Variants in RIN2 observed in about 807,000 individuals in gnomAD.
RIN2 encodes the protein Ras and Rab interactor 2.
A neutral mutation model predicts 78.0 loss-of-function variants in RIN2; 36 were observed. The ratio of observed to expected loss-of-function variants is 0.46; its 90% CI spans 0.35 to 0.61. The LOEUF (loss-of-function observed/expected upper bound fraction) is 0.61, where lower values mean the gene tolerates loss of function less well. RIN2 is among the 20% of genes least tolerant of loss of function. The probability of loss-of-function intolerance (pLI) is 0.00; values close to 1 mark genes in which losing one functional copy is unlikely to be tolerated. For missense variants in RIN2, 1,087 were observed against 1,159.7 expected, an observed-to-expected ratio of 0.94 and a Z score of 0.91; for synonymous variants, 466 against 466.8, an observed-to-expected ratio of 1.00 and a Z score of 0.02.
chr20:19,859,094 C>A (rs2123262063), intron 2 of RIN2, among the ~76,000 whole-genome samples: 1 of 152,328 alleles, frequency 6.6e-6, no homozygotes, highest in Middle Eastern at 3.4e-3. Flanking sequence ...ACTTCCATGC[C>A]AGGCCCTTCC....
chr20:19,824,378 CCTT>C lies in RIN2; in HGVS notation c.-37+24632_-37+24634del, dbSNP rs371161354. On this transcript the variant is annotated intron_variant, in intron 2 of 12. Coordinates refer to ENST00000255006, the MANE Select transcript of RIN2 (RefSeq NM_018993.4). ...GTACATCAAATTGTGATTTCATCAT[CCTT>C]ATTATTATTTAAGGTGTTAGGTATA... 4.6e-5 allele frequency among the ~76,000 whole-genome samples: 7 copies of C among 152,210 alleles called. No homozygotes were observed. The East Asian group carries it at 1.3e-3, about 29-fold the overall frequency.
At position 19,759,040 on chromosome 20, in the gene RIN2, C is replaced by T. The variant is rs2033514657; in HGVS notation, c.-163+713C>T. Among the ~76,000 whole-genome samples the T allele has an allele frequency of 6.6e-5, 10 of 152,348 alleles. No individual in the cohort carries two copies. In the South Asian group the frequency reaches 2.1e-3, roughly 32 times the overall value. ...ACTTTCCCACTTTGAGGCCTCCCCG[C>T]CCCCTTCTGGGCTTGGCCTCCACCC... is the stretch of plus-strand genomic sequence containing the variant. On this transcript the variant is annotated intron_variant, in intron 1 of 12. Transcript: ENST00000255006.
chr20:19,799,283 T>C (rs928120934), intron 1 of RIN2, among the ~76,000 whole-genome samples: 3 of 152,192 alleles, frequency 2.0e-5, no homozygotes, highest in Non-Finnish European at 4.4e-5. Context: ...TAGGAAGCGA[T>C]GTGATGCAAG....
chr20:19,838,242 T>C (rs1208437659), intron 2 of RIN2, among the ~76,000 whole-genome samples: 1 of 152,194 alleles, frequency 6.6e-6, no homozygotes, highest in Non-Finnish European at 1.5e-5. Context: ...TGAACTAAGC[T>C]TGCATTTGTT....
In RIN2 at chr20:19,995,451, C is replaced by T. The variant is rs547940413; in HGVS notation, c.2201-1228C>T. Among the ~76,000 whole-genome samples the T allele has an allele frequency of 1.6e-4, 25 of 152,254 alleles. 1 individual carries two copies. Among genetic ancestry groups the T allele is most frequent in the African/African-American group, 6.0e-4 (25 of 41,544 alleles). ...AATTAGGGAATTTTTAATAAACATT[C>T]AGGGCGACCCCTAGTGGCTCTTCAG... On this transcript the variant is annotated intron_variant, in intron 11 of 12. Coordinates refer to ENST00000255006, the MANE Select transcript of RIN2 (RefSeq NM_018993.4).
intron 9 of RIN2, among the ~76,000 whole-genome samples, chr20:19,988,925 G>A (rs968875040): frequency 7.3e-4 from 110 of 150,124 alleles, no homozygotes; most frequent in African/African-American, 1.7e-3. Flanking sequence ...ACACACGCGT[G>A]CACACACACA....
chr20:19,828,021 C>A (rs1016799865), intron 2 of RIN2, among the ~76,000 whole-genome samples: 2 of 152,134 alleles, frequency 1.3e-5, no homozygotes, highest in African/African-American at 2.4e-5. Context: ...TGCTGCCCAG[C>A]TGTGAGTTCA....
At chr20:19,929,426 A>G (rs781774062) in intron 3 of RIN2, among the ~76,000 whole-genome samples, 6 of 152,154 alleles carry the variant, frequency 3.9e-5, no homozygotes, top group African/African-American at 1.4e-4. Context: ...CAGTGGCTCA[A>G]TCTGGGCTCA....
intron 5 of RIN2, 91 bp downstream of exon 5, chr20:19,956,898 T>C: frequency 9.4e-7 from 1 of 1,059,558 alleles, no homozygotes; most frequent in Non-Finnish European, 1.3e-6. Context: ...CAGAAATTTC[T>C]TCCTAGCTTG....
intron 2 of RIN2, chr20:19,871,802 A>G (rs1331419314): frequency 6.6e-6 from 1 of 152,202 alleles, no homozygotes; most frequent in Non-Finnish European, 1.5e-5. Context: ...CAGGGACTAT[A>G]TTTCCAGTTA....
In RIN2 at chr20:19,974,760, T is replaced by C. The variant is rs1369615714; in HGVS notation, c.735T>C (p.Leu245=). 6.2e-7 allele frequency: 1 copy of C among 1,613,990 alleles called. No individual in the cohort carries two copies. Among genetic ancestry groups the C allele is most frequent in the Non-Finnish European group, 8.5e-7 (1 of 1,179,898 alleles). Residue 245 remains leucine (L), a synonymous_variant, in exon 9 of 13, where the codon CTT becomes CTC. Coordinates refer to ENST00000255006, the MANE Select transcript of RIN2 (RefSeq NM_018993.4). Reference sequence around the variant, plus strand: ...CTGCCTCCCTGCGTCAGCTCTGCCTTATAAATGGAGTGCATTCTATCAAAA... The same window carrying C: ...CTGCCTCCCTGCGTCAGCTCTGCCTCATAAATGGAGTGCATTCTATCAAAA... The part of the protein sequence containing the change: ...VCPASLRQLC[L]INGVHSIKTR...
chr20:19,781,514 G>C (rs191012203), intron 1 of RIN2, among the ~76,000 whole-genome samples: 1 of 152,114 alleles, frequency 6.6e-6, no homozygotes, highest in Non-Finnish European at 1.5e-5. Flanking sequence ...TGCAACCCCC[G>C]TCTTCTGGGT....
chr20:19,895,356 T>C (rs1600721360), intron 3 of RIN2, among the ~76,000 whole-genome samples: 1 of 152,092 alleles, frequency 6.6e-6, no homozygotes, highest in Non-Finnish European at 1.5e-5. Context: ...CCAGGGTGAA[T>C]TGTCCGGTCG....
At chr20:19,914,775 GGTCCCTAGGTCAT>G (rs1274239469) in intron 3 of RIN2, among the ~76,000 whole-genome samples, 1 of 152,276 alleles carries the variant, frequency 6.6e-6, no homozygotes, top group Admixed American at 6.5e-5. Flanking sequence ...ACCTTCACCA[GGTCCCTAGGTCAT>G]GCGTGTGCAC....
intron 4 of RIN2, among the ~76,000 whole-genome samples, chr20:19,947,199 A>G (rs1242260345): frequency 6.6e-6 from 1 of 152,014 alleles, no homozygotes; most frequent in Non-Finnish European, 1.5e-5. Flanking sequence ...ACATTGAGAT[A>G]TTACAAAATA....
Position 19,906,511 on chromosome 20 carries a change from G to T in RIN2, c.57+16853G>T, listed in dbSNP as rs546462779. On this transcript the variant is annotated intron_variant, in intron 3 of 12. Transcript: ENST00000255006. The stretch of plus-strand genomic sequence containing the variant: ...GGTGTTAACCTTGGATGCTTACAGG[G>T]GCCAGGAAGATAATGTAGGCGAGTG... Among the ~76,000 whole-genome samples, 284 of 152,240 alleles carry T rather than the reference G, an allele frequency of 1.9e-3. 1 individual carries two copies. Among genetic ancestry groups the T allele is most frequent in the Non-Finnish European group, 3.2e-3 (221 of 68,018 alleles).
chr20:19,761,856 C>G (rs2033654483), intron 1 of RIN2, among the ~76,000 whole-genome samples: 1 of 152,188 alleles, frequency 6.6e-6, no homozygotes, highest in Non-Finnish European at 1.5e-5. Context: ...TGCCCAGAAG[C>G]CTTCAGATTT....
chr20:19,764,985 A>G (rs1039262682), intron 1 of RIN2, among the ~76,000 whole-genome samples: 2 of 123,136 alleles, frequency 1.6e-5, no homozygotes, highest in Admixed American at 1.1e-4. Flanking sequence ...GTGCAGTGGC[A>G]TGATCTCAGC....
chr20:19,828,869 C>T (rs2036172801), intron 2 of RIN2, among the ~76,000 whole-genome samples: 1 of 152,006 alleles, frequency 6.6e-6, no homozygotes, highest in Admixed American at 6.6e-5. Context: ...TGGGATGGTC[C>T]AACCGGCTAC....
Sources: allele counts gnomAD v4.1 joint callset (sites outside exome capture counted in the v4.1 genomes callset), GRCh38; gene constraint gnomAD v4.1.1; transcripts MANE v1.5; gene names NCBI Gene and HGNC (gene_info 2026-07-23, HGNC 2026-07-21).